MAF: variants seen among roughly 807,000 people sequenced by gnomAD.
MAF encodes transcription factor Maf.
MAF carries 10 observed loss-of-function variants against 22.0 expected under a neutral mutation model. The observed-to-expected ratio is 0.45, with a 90% CI of 0.28 to 0.77. The LOEUF is 0.77. Ranked by LOEUF, MAF falls within the 30% of genes least tolerant of loss-of-function variation. The pLI is 0.12. For missense variants in MAF, 544 were observed against 548.4 expected (o/e 0.99, Z 0.08); for synonymous variants, 337 against 255.8 (o/e 1.32, Z -3.03).
the MAF span, among the ~76,000 whole-genome samples, chr16:79,417,674 C>T: frequency 6.6e-6 from 1 of 152,152 alleles, no homozygotes; most frequent in Non-Finnish European, 1.5e-5. Context: ...GCAGTACGGT[C>T]CTCCGTCCCC....
At chr16:79,211,337 A>G in the MAF span, among the ~76,000 whole-genome samples, 2 of 152,176 alleles carry the variant, frequency 1.3e-5, no homozygotes, top group African/African-American at 2.4e-5. Context: ...ACGTATTGAT[A>G]TGTGTATTTA....
chr16:79,211,731 G>C, the MAF span: 5 of 1,614,088 alleles, frequency 3.1e-6, no homozygotes, highest in Non-Finnish European at 4.2e-6. Flanking sequence ...CGAAGAGACG[G>C]CCCGGACCCT....
the MAF span, among the ~76,000 whole-genome samples, chr16:79,305,769 G>T: frequency 6.6e-6 from 1 of 152,204 alleles, no homozygotes; most frequent in Non-Finnish European, 1.5e-5. Context: ...AAGGTCAATG[G>T]GGGATGCACA....
At chr16:79,269,299 G>T in the MAF span, among the ~76,000 whole-genome samples, 1 of 152,174 alleles carries the variant, frequency 6.6e-6, no homozygotes, top group Non-Finnish European at 1.5e-5. Flanking sequence ...ACCCGAGTGA[G>T]TTACACCTTC....
chr16:79,207,670 A>C, the MAF span, among the ~76,000 whole-genome samples: 1 of 152,238 alleles, frequency 6.6e-6, no homozygotes, highest in Admixed American at 6.5e-5. Flanking sequence ...TCTTTCTTTT[A>C]AATGAGCATG....
the MAF span, among the ~76,000 whole-genome samples, chr16:79,263,723 G>C: frequency 2.0e-5 from 3 of 148,632 alleles, no homozygotes; most frequent in Non-Finnish European, 3.0e-5. Flanking sequence ...ACTTTCCCTG[G>C]TAATTAGCTT....
At chr16:79,240,277 G>C in the MAF span, among the ~76,000 whole-genome samples, 10,919 of 151,256 alleles carry the variant, frequency 0.072, 577 homozygotes, top group Middle Eastern at 0.15. Flanking sequence ...GGTTTTCTTG[G>C]TTACACATGT....
At chr16:79,432,913 T>G in the MAF span, among the ~76,000 whole-genome samples, 2 of 152,218 alleles carry the variant, frequency 1.3e-5, no homozygotes, top group African/African-American at 4.8e-5. Flanking sequence ...ACAGTGATCT[T>G]GGACTTCTGG....
chr16:79,520,344 G>A, the MAF span, among the ~76,000 whole-genome samples: 20 of 152,128 alleles, frequency 1.3e-4, no homozygotes, highest in Admixed American at 3.3e-4. Context: ...TCCCTACCAC[G>A]TACATTTCCC....
At chr16:79,237,627 G>T in the MAF span, among the ~76,000 whole-genome samples, 1 of 151,970 alleles carries the variant, frequency 6.6e-6, no homozygotes, top group Non-Finnish European at 1.5e-5. Context: ...ACACTCAGGG[G>T]AAAGCGTGCT....
chr16:79,535,110 C>T, the MAF span, among the ~76,000 whole-genome samples: 5 of 110,462 alleles, frequency 4.5e-5, no homozygotes, highest in African/African-American at 1.1e-4. Context: ...ATTTTGAATT[C>T]GCCAGGAAAG....
At chr16:79,463,609 A>G in the MAF span, among the ~76,000 whole-genome samples, 1 of 152,216 alleles carries the variant, frequency 6.6e-6, no homozygotes, top group African/African-American at 2.4e-5. Flanking sequence ...TTTGGCATCC[A>G]GTCTCTAGGT....
At chr16:79,342,070 AAAC>A in the MAF span, among the ~76,000 whole-genome samples, 40 of 152,354 alleles carry the variant, frequency 2.6e-4, 1 homozygote, top group South Asian at 8.1e-3. Flanking sequence ...TTGATCTTCA[AAAC>A]ACCGTGAGAA....
the MAF span, among the ~76,000 whole-genome samples, chr16:79,236,778 G>C: frequency 6.6e-6 from 1 of 151,786 alleles, no homozygotes; most frequent in Non-Finnish European, 1.5e-5. Flanking sequence ...ATCATAGTTC[G>C]TTCTTATTAG....
downstream of MAF, among the ~76,000 whole-genome samples, chr16:79,584,120 G>T (rs904496703): frequency 2.0e-5 from 3 of 152,018 alleles, no homozygotes; most frequent in East Asian, 5.8e-4. Context: ...CTACATAAAA[G>T]GTAATTAAAT....
At chr16:79,598,121 C>T in intron 1 of MAF, 1 of 1,044,744 alleles carries the variant, frequency 9.6e-7, no homozygotes, top group South Asian at 4.6e-5. Flanking sequence ...CCTTTGCAAG[C>T]TCAATCTCAC....
downstream of MAF, among the ~76,000 whole-genome samples, chr16:79,580,865 C>CAGA (rs1388803477): frequency 1.1e-4 from 17 of 151,840 alleles, 1 homozygote; most frequent in African/African-American, 4.1e-4. Context: ...CTGGAGAAAA[C>CAGA]CAATACCAAA....
At chr16:79,291,018 A>T in the MAF span, among the ~76,000 whole-genome samples, 112 of 152,130 alleles carry the variant, frequency 7.4e-4, no homozygotes, top group Non-Finnish European at 1.2e-3. Flanking sequence ...TAAATGCCCC[A>T]TTACGAATGC....
At chr16:79,559,561 T>C in the MAF span, among the ~76,000 whole-genome samples, 1 of 152,148 alleles carries the variant, frequency 6.6e-6, no homozygotes, top group African/African-American at 2.4e-5. Context: ...GCTTGAGGCT[T>C]CCACTGTTTT....
Sources: allele counts gnomAD v4.1 joint callset (sites outside exome capture counted in the v4.1 genomes callset), GRCh38; gene constraint gnomAD v4.1.1; transcripts MANE v1.5; gene names NCBI Gene and HGNC (gene_info 2026-07-23, HGNC 2026-07-21).